The following ZNF239 variants were observed in gnomAD, a reference collection of about 807,000 sequenced individuals.
The protein encoded by ZNF239 is zinc finger protein (C2H2) homologous to mouse MOK-2.
ZNF239 carries 16 observed loss-of-function variants against 27.5 expected under a neutral mutation model. The observed-to-expected ratio is 0.58, with a 90% CI of 0.39 to 0.88. The LOEUF is 0.88. Among genes scored for constraint, ZNF239 ranks in the 40% least tolerant of loss-of-function variants. The pLI is 0.00. For synonymous variants in ZNF239, 199 were observed against 192.6 expected, an observed-to-expected ratio of 1.03 and a Z score of -0.27; for missense variants, 527 against 551.9, an observed-to-expected ratio of 0.95 and a Z score of 0.45.
At chr10:43,570,723 C>A in intron 2 of ZNF239, 1 of 889,940 alleles carries the variant, frequency 1.1e-6, no homozygotes, top group Non-Finnish European at 1.3e-6. Flanking sequence ...CTTAGTAAGA[C>A]CCTTATTTTT....
At chr10:43,574,274 G>A (rs933996306) in intron 1 of ZNF239, among the ~76,000 whole-genome samples, 1 of 152,232 alleles carries the variant, frequency 6.6e-6, no homozygotes, top group African/African-American at 2.4e-5. Flanking sequence ...GGAGGGAGGA[G>A]GGGCCATCGG....
intron 2 of ZNF239, chr10:43,570,653 C>A (rs2132304257): frequency 1.0e-6 from 1 of 977,424 alleles, no homozygotes; most frequent in Non-Finnish European, 1.2e-6. Flanking sequence ...CAGATCCTGT[C>A]AATTCTGCCT....
At chr10:43,566,198 T>C (rs1185801260) in intron 3 of ZNF239, among the ~76,000 whole-genome samples, 2 of 151,948 alleles carry the variant, frequency 1.3e-5, no homozygotes, top group Non-Finnish European at 2.9e-5. Flanking sequence ...AAATAGAAAC[T>C]GAAAGGCCAC....
chr10:43,568,312 C>A (rs1439115958), intron 2 of ZNF239: 1 of 985,462 alleles, frequency 1.0e-6, no homozygotes. Flanking sequence ...GAGTTGTCAT[C>A]TTCACCCCAT....
At position 43,559,453 on chromosome 10, in the gene ZNF239, C is replaced by A. The variant is rs533972291; in HGVS notation, c.-92-1282G>T. ...GGCACCAAGCCTGTTCCTTGGGATTCCTGCCTGAGTGACGGTATGGTGGTG... is the reference window on the plus strand; with the variant it reads ...GGCACCAAGCCTGTTCCTTGGGATTACTGCCTGAGTGACGGTATGGTGGTG... On this transcript the variant is annotated intron_variant, in intron 3 of 3. Coordinates refer to ENST00000374446, the MANE Select transcript of ZNF239 (RefSeq NM_001099282.2). 1.2e-4 allele frequency among the ~76,000 whole-genome samples: 18 copies of A among 152,248 alleles called. No homozygotes were observed. In the South Asian group the frequency reaches 3.7e-3, roughly 32 times the overall value.
intron 3 of ZNF239, among the ~76,000 whole-genome samples, chr10:43,567,108 A>G (rs1837713146): frequency 5.7e-5 from 2 of 35,204 alleles, no homozygotes; most frequent in South Asian, 2.0e-3. Flanking sequence ...CTCAAAACAA[A>G]CAAACAAACA....
At chr10:43,574,235 C>G (rs1240091706) in intron 1 of ZNF239, among the ~76,000 whole-genome samples, 1 of 152,226 alleles carries the variant, frequency 6.6e-6, no homozygotes, top group Non-Finnish European at 1.5e-5. Context: ...CCACGAAGCC[C>G]CCAGCCGGCC....
chr10:43,566,753 C>T (rs1837675973), intron 3 of ZNF239, among the ~76,000 whole-genome samples: 1 of 152,172 alleles, frequency 6.6e-6, no homozygotes, highest in Non-Finnish European at 1.5e-5. Context: ...TTTGCCTGAC[C>T]AATCCCCTGT....
At chr10:43,568,772 G>A (rs1837847567) in intron 2 of ZNF239, among the ~76,000 whole-genome samples, 2 of 152,156 alleles carry the variant, frequency 1.3e-5, no homozygotes, top group South Asian at 4.1e-4. Context: ...GGCCCTAGCT[G>A]GGCACGATGG....
Position 43,556,669 on chromosome 10 carries a change from G to GAGAAACAAGAACAATCC in ZNF239, c.*33_*34insGGATTGTTCTTGTTTCT, listed in dbSNP as rs1836757198. 1 of 1,593,714 alleles carries GAGAAACAAGAACAATCC rather than the reference G, an allele frequency of 6.3e-7. No homozygotes were observed. Among genetic ancestry groups the GAGAAACAAGAACAATCC allele is most frequent in the Admixed American group, 1.7e-5 (1 of 58,438 alleles). On this transcript the variant is annotated 3_prime_UTR_variant, in exon 4 of 4. Coordinates refer to ENST00000374446, the MANE Select transcript of ZNF239 (RefSeq NM_001099282.2). ...AAATATTTAACAGTTTTTACAGTAT[G>GAGAAACAAGAACAATCC]AGCGCTGTGAAGACCTGAATGGGCT...
At position 43,564,240 on chromosome 10, in the gene ZNF239, T is replaced by C. The variant is rs902699510; in HGVS notation, c.-93+3659A>G. On this transcript the variant is annotated intron_variant, in intron 3 of 3. Transcript: ENST00000374446. The stretch of plus-strand genomic sequence containing the variant: ...CACAACCCGCATTCCATCACGTCTT[T>C]GTTCTCTCAGAGCGGTGTTCCATTC... 28 of 970,376 alleles carry C rather than the reference T, an allele frequency of 2.9e-5. 1 individual carries two copies. The African/African-American group carries it at 4.7e-4, about 16-fold the overall frequency. 60.1% of individuals were successfully genotyped at this position (970,376 alleles called of 1,614,324 possible).
intron 3 of ZNF239, among the ~76,000 whole-genome samples, chr10:43,565,019 T>C (rs911268921): frequency 5.3e-5 from 8 of 152,200 alleles, no homozygotes; most frequent in Admixed American, 2.6e-4. Flanking sequence ...ATACCATGCA[T>C]TCTCAGGGGC....
chr10:43,563,151 C>T (rs1837384744), intron 3 of ZNF239, among the ~76,000 whole-genome samples: 1 of 151,996 alleles, frequency 6.6e-6, no homozygotes, highest in Non-Finnish European at 1.5e-5. Context: ...CCAGTCTCCT[C>T]TGAATATACA....
At position 43,557,282 on chromosome 10, in the gene ZNF239, G is replaced by A; in HGVS notation, c.798C>T (p.Asp266=). ...TCCTGGTGAAGCCCTTCCCACACTT[G>A]TCACACTTATAAGGCTTCTCATCTG... ...VHTDEKPYKC[D]KCGKGFTRSS... is the part of the protein sequence containing the mutation. Residue 266 remains aspartate (D), a synonymous_variant, in exon 4 of 4, where the codon GAC becomes GAT. Coordinates refer to ENST00000374446, the MANE Select transcript of ZNF239 (RefSeq NM_001099282.2). 6.2e-7 allele frequency: 1 copy of A among 1,613,832 alleles called. No homozygotes were observed.
chr10:43,558,256 A>G, intron 3 of ZNF239, 85 bp from the exon 4 acceptor site: 1 of 1,275,912 alleles, frequency 7.8e-7, no homozygotes, highest in Non-Finnish European at 1.0e-6. Flanking sequence ...CTGAAGTCTT[A>G]GTAACTAGGA....
intron 3 of ZNF239, among the ~76,000 whole-genome samples, chr10:43,560,477 A>T (rs1325752165): frequency 2.0e-5 from 3 of 151,998 alleles, no homozygotes; most frequent in Non-Finnish European, 4.4e-5. Flanking sequence ...TGTGCAGGGG[A>T]GTACAGGGAA....
rs747780756 is a variant in ZNF239 at position 43,557,638 on chromosome 10, C to G, written c.442G>C (p.Asp148His). The G allele has an allele frequency of 6.2e-7, 1 of 1,614,092 alleles. No individual in the cohort carries two copies. Among genetic ancestry groups the G allele is most frequent in the Non-Finnish European group, 8.5e-7 (1 of 1,180,060 alleles). Residue 148 changes from aspartate to histidine, a missense_variant, in exon 4 of 4, where the codon GAT becomes CAT. Transcript: ENST00000374446. The part of the protein sequence containing the change: ...CQNGQLKESL[D>H]PIDCNCKDIH... ...TCTTTGCAGTTACAGTCAATGGGAT[C>G]CAAAGATTCTTTTAACTGGCCATTC...
rs1356611074 is a variant in ZNF239 at position 43,573,347 on chromosome 10, T to C, written c.-216+290A>G. On this transcript the variant is annotated intron_variant, in intron 2 of 3. Coordinates refer to ENST00000374446, the MANE Select transcript of ZNF239 (RefSeq NM_001099282.2). ...GAATAGCTTGGAATGACTTTCAATGTGAGTGAAATGTCTGGCAGGAAAAGG... is the reference window on the plus strand; with the variant it reads ...GAATAGCTTGGAATGACTTTCAATGCGAGTGAAATGTCTGGCAGGAAAAGG... Among the ~76,000 whole-genome samples the C allele has an allele frequency of 3.9e-5, 6 of 152,152 alleles. No homozygotes were observed. The East Asian group carries it at 1.2e-3, about 29-fold the overall frequency.
chr10:43,568,300 C>T, intron 2 of ZNF239: 6 of 985,456 alleles, frequency 6.1e-6, no homozygotes, highest in Non-Finnish European at 7.2e-6. Flanking sequence ...TGTGTCATTG[C>T]TGAGTTGTCA....
Sources: allele counts gnomAD v4.1 joint callset (sites outside exome capture counted in the v4.1 genomes callset), GRCh38; gene constraint gnomAD v4.1.1; transcripts MANE v1.5; gene names NCBI Gene and HGNC (gene_info 2026-07-23, HGNC 2026-07-21).